The following DNAH14 variants were observed in gnomAD, a reference collection of about 807,000 sequenced individuals.
The protein encoded by DNAH14 is axonemal beta dynein heavy chain 14.
Under a neutral mutation model 520.9 loss-of-function variants are expected in DNAH14, and 478 were observed. That is an observed-to-expected ratio of 0.92 (90% CI 0.85 to 0.99). The LOEUF is 0.99. DNAH14 is among the 50% of genes least tolerant of loss of function. The probability of loss-of-function intolerance (pLI) is 0.00; values close to 1 mark genes in which losing one functional copy is unlikely to be tolerated. For missense variants in DNAH14, 4,831 were observed against 5,234.5 expected (o/e 0.92, Z 2.38); for synonymous variants, 1,581 against 1,757.2 (o/e 0.90, Z 2.51).
chr1:225,141,274 AC>A (rs1404236559), intron 28 of DNAH14, among the ~76,000 whole-genome samples: 1 of 152,108 alleles, frequency 6.6e-6, no homozygotes, highest in African/African-American at 2.4e-5. Context: ...ATTTAGAGAG[AC>A]AGATCACATT....
At chr1:224,951,061 T>C (rs747407929) in intron 1 of DNAH14, among the ~76,000 whole-genome samples, 1 of 152,212 alleles carries the variant, frequency 6.6e-6, no homozygotes, top group African/African-American at 2.4e-5. Flanking sequence ...AGTCTCGCTC[T>C]GTTGCCCAGG....
At chr1:225,178,798 G>T (rs1410252211) in intron 36 of DNAH14, among the ~76,000 whole-genome samples, 1 of 152,134 alleles carries the variant, frequency 6.6e-6, no homozygotes, top group East Asian at 1.9e-4. Context: ...GAATGATATG[G>T]TTTGGCTGTG....
intron 27 of DNAH14, 104 bp from the exon 28 acceptor site, chr1:225,140,664 A>T: frequency 1.1e-6 from 1 of 944,562 alleles, no homozygotes; most frequent in Non-Finnish European, 1.5e-6. Flanking sequence ...CATACACACC[A>T]CATAAACTTT....
intron 41 of DNAH14, among the ~76,000 whole-genome samples, chr1:225,224,449 A>G (rs886157179): frequency 1.1e-4 from 17 of 152,056 alleles, no homozygotes; most frequent in Admixed American, 9.8e-4. Flanking sequence ...ATATCCAGCT[A>G]GTTAGTAAAG....
At chr1:225,213,027 T>G (rs1385147491) in intron 41 of DNAH14, among the ~76,000 whole-genome samples, 1 of 152,136 alleles carries the variant, frequency 6.6e-6, no homozygotes, top group African/African-American at 2.4e-5. Flanking sequence ...TCTTCTAGAG[T>G]TTTTATGGTT....
intron 41 of DNAH14, among the ~76,000 whole-genome samples, chr1:225,215,522 G>C (rs2089184082): frequency 6.6e-6 from 1 of 152,052 alleles, no homozygotes; most frequent in Non-Finnish European, 1.5e-5. Context: ...AAGTTTCCCA[G>C]TATTATTCTA....
intron 36 of DNAH14, among the ~76,000 whole-genome samples, chr1:225,182,239 A>C (rs1287772903): frequency 6.6e-6 from 1 of 152,142 alleles, no homozygotes; most frequent in Non-Finnish European, 1.5e-5. Context: ...AATTAACCTT[A>C]TTAAATGTGG....
Position 225,079,264 on chromosome 1 carries a change from C to G in DNAH14, c.2482C>G (p.Leu828Val), listed in dbSNP as rs3105559. The part of the protein sequence containing the change: ...ECDPTEIEEF[L>V]EHFIFLNAIS... ...TGATCCCACTGAAATAGAAGAATTT[C>G]TGGAGCATTTTATTTTTTTGAATGC... Residue 828 changes from leucine (L) to valine (V), a missense_variant, in exon 18 of 86, where the codon CTG (leucine) becomes GTG (valine). Leu to Val is a conservative substitution (Grantham distance 32). Coordinates refer to ENST00000682510, the MANE Select transcript of DNAH14 (RefSeq NM_001367479.1). The G allele has an allele frequency of 0.92, 1,420,011 of 1,547,610 alleles. 662,157 individuals carry two copies. The highest frequency in any genetic ancestry group is 0.96 in the Non-Finnish European group (1,102,172 of 1,146,288).
At chr1:224,985,295 T>C (rs976476796) in intron 8 of DNAH14, among the ~76,000 whole-genome samples, 1 of 152,194 alleles carries the variant, frequency 6.6e-6, no homozygotes, top group Admixed American at 6.5e-5. Context: ...TAAAAAGGAA[T>C]GAATTAACAG....
At chr1:225,334,233 A>T (rs559206576) in intron 66 of DNAH14, among the ~76,000 whole-genome samples, 1 of 152,274 alleles carries the variant, frequency 6.6e-6, no homozygotes, top group Non-Finnish European at 1.5e-5. Context: ...GAGCCTAGGA[A>T]TTCAAGACCA....
At chr1:224,960,956 G>A (rs2060806782) in intron 4 of DNAH14, 1 of 152,084 alleles carries the variant, frequency 6.6e-6, no homozygotes. Context: ...GGACGTGGTG[G>A]TGTTCATGCC....
At chr1:225,300,002 TA>T (rs2094107790) in intron 55 of DNAH14, among the ~76,000 whole-genome samples, 1 of 152,190 alleles carries the variant, frequency 6.6e-6, no homozygotes, top group South Asian at 2.1e-4. Context: ...ATGCTTTTTT[TA>T]AAAAGAAATC....
At chr1:225,339,386 G>A (rs930403662) in intron 68 of DNAH14, among the ~76,000 whole-genome samples, 7 of 152,136 alleles carry the variant, frequency 4.6e-5, no homozygotes, top group African/African-American at 1.7e-4. Flanking sequence ...ACATTTCCAT[G>A]GTTTAATAGG....
chr1:225,308,541 A>G, intron 60 of DNAH14, 131 bp downstream of exon 60: 1 of 923,856 alleles, frequency 1.1e-6, no homozygotes, highest in Non-Finnish European at 1.6e-6. Flanking sequence ...TTTCATTGTA[A>G]TTCCAACAAC....
chr1:225,374,145 C>CTATATA (rs71170080), intron 77 of DNAH14, among the ~76,000 whole-genome samples: 576 of 32,942 alleles, frequency 0.017, 41 homozygotes, highest in South Asian at 0.034. Flanking sequence ...TTGTGTCTTA[C>CTATATA]TATATATATA....
intron 10 of DNAH14, among the ~76,000 whole-genome samples, chr1:225,008,066 C>T (rs1189924134): frequency 2.0e-5 from 3 of 151,780 alleles, no homozygotes; most frequent in Non-Finnish European, 4.4e-5. Flanking sequence ...TAATGCTATC[C>T]CTCCCCTTAC....
chr1:225,052,596 G>A (rs1236931076), intron 17 of DNAH14, among the ~76,000 whole-genome samples: 1 of 152,154 alleles, frequency 6.6e-6, no homozygotes, highest in Non-Finnish European at 1.5e-5. Context: ...ATTCAATAGA[G>A]TCTAATCTGG....
intron 82 of DNAH14, among the ~76,000 whole-genome samples, chr1:225,389,373 T>C (rs1444877642): frequency 6.6e-6 from 1 of 152,236 alleles, no homozygotes; most frequent in East Asian, 1.9e-4. Context: ...CCTATACCAT[T>C]TAACTATAAG....
chr1:225,076,152 G>A (rs7526764), intron 17 of DNAH14, among the ~76,000 whole-genome samples: 11,671 of 152,176 alleles, frequency 0.077, 1,442 homozygotes, highest in African/African-American at 0.26. Context: ...AGTCTTCCAC[G>A]GAGGGCTGTC....
Sources: gnomAD v4.1 joint callset for allele counts (sites outside exome capture counted in the v4.1 genomes callset) on GRCh38, gnomAD v4.1.1 for gene constraint, MANE v1.5 for transcripts, NCBI Gene and HGNC (gene_info 2026-07-23, HGNC 2026-07-21) for gene names.